Variants in TTC13 observed in about 807,000 individuals in gnomAD.
TTC13 encodes the protein tetratricopeptide repeat protein 13.
A neutral mutation model predicts 120.0 loss-of-function variants in TTC13; 62 were observed. The observed-to-expected ratio is 0.52, with a 90% CI of 0.42 to 0.64. The LOEUF is 0.64. Among genes scored for constraint, TTC13 ranks in the 30% least tolerant of loss-of-function variants. The pLI is 0.00. For synonymous variants in TTC13, 384 were observed against 393.5 expected, an observed-to-expected ratio of 0.98 and a Z score of 0.28; for missense variants, 824 against 1,050.2, an observed-to-expected ratio of 0.78 and a Z score of 2.98.
intron 9 of TTC13, among the ~76,000 whole-genome samples, chr1:230,933,536 G>A (rs966919703): frequency 4.6e-5 from 7 of 152,086 alleles, no homozygotes; most frequent in East Asian, 1.9e-4. Flanking sequence ...AAGGATGAAC[G>A]TTTTCTAGAC....
At position 230,911,517 on chromosome 1, in the gene TTC13, G is replaced by A; in HGVS notation, c.2262C>T (p.Ser754=). The change falls in exon 20 of 23, where the codon TCC becomes TCT. Residue 754 remains serine, a synonymous_variant. Transcript: ENST00000366661. ...EADAVCNLIL[S]LVYYFYNLMP... is the part of the protein sequence containing the mutation. Reference sequence around the variant, plus strand: ...TTAAATTATAAAAGTAATAAACTAAGGATAAGATTAAGTTGCAGACAGCAT... The same window carrying A: ...TTAAATTATAAAAGTAATAAACTAAAGATAAGATTAAGTTGCAGACAGCAT... The A allele has an allele frequency of 6.2e-7, 1 of 1,606,046 alleles. No homozygotes were observed. Among genetic ancestry groups the A allele is most frequent in the Non-Finnish European group, 8.5e-7 (1 of 1,176,466 alleles).
chr1:230,909,723 C>T (rs193097085), intron 20 of TTC13, among the ~76,000 whole-genome samples: 83 of 152,330 alleles, frequency 5.4e-4, no homozygotes, highest in African/African-American at 1.9e-3. Flanking sequence ...AATGTACTAA[C>T]GGACAGATGG....
intron 22 of TTC13, chr1:230,908,269 C>G (rs1037926317): frequency 2.0e-4 from 74 of 364,796 alleles, no homozygotes; most frequent in African/African-American, 1.4e-3. Flanking sequence ...CTCACTGCAG[C>G]CTCAAACTCC....
Position 230,941,039 on chromosome 1 carries a change from C to T in TTC13, c.673-483G>A, listed in dbSNP as rs534561476. Among the ~76,000 whole-genome samples the T allele has an allele frequency of 2.3e-3, 357 of 152,258 alleles. 2 individuals carry two copies. The highest frequency in any genetic ancestry group is 8.1e-3 in the African/African-American group (337 of 41,558). On this transcript the variant is annotated intron_variant, in intron 6 of 22. Coordinates refer to ENST00000366661, the MANE Select transcript of TTC13 (RefSeq NM_024525.5). ...GACAACTTCTAAGATTCCAGATGCT[C>T]TTTAAGCCCTTTTGTGTAACAACTT...
chr1:230,945,353 T>C lies in TTC13; in HGVS notation c.579+36A>G, dbSNP rs761150402. 8 of 1,586,672 alleles carry C rather than the reference T, an allele frequency of 5.0e-6. No individual in the cohort carries two copies. In the East Asian group the frequency reaches 8.9e-5, roughly 18 times the overall value. On this transcript the variant is annotated intron_variant, in intron 5 of 22. Coordinates refer to ENST00000366661, the MANE Select transcript of TTC13 (RefSeq NM_024525.5). ...AAACCCTGGTCTGTGTCAGGTCATGTAGGCGCTATGGCAATCGTAACTATT... is the reference window on the plus strand; with the variant it reads ...AAACCCTGGTCTGTGTCAGGTCATGCAGGCGCTATGGCAATCGTAACTATT...
chr1:230,920,444 T>A (rs757856096), intron 17 of TTC13, 66 bp downstream of exon 17: 1 of 1,159,874 alleles, frequency 8.6e-7, no homozygotes, highest in Admixed American at 1.8e-5. Context: ...GAGTTCTTTT[T>A]AAAAAAGTGC....
At chr1:230,959,748 C>T (rs1380990363) in intron 2 of TTC13, among the ~76,000 whole-genome samples, 4 of 152,236 alleles carry the variant, frequency 2.6e-5, no homozygotes, top group Admixed American at 2.6e-4. Flanking sequence ...TATAGTATCT[C>T]CTCTGGACAG....
rs1672436934 is a variant in TTC13 at position 230,920,091 on chromosome 1, T to C, written c.1983+419A>G. On this transcript the variant is annotated intron_variant, in intron 17 of 22. Coordinates refer to ENST00000366661, the MANE Select transcript of TTC13 (RefSeq NM_024525.5). ...GCTTAGCAAGACCACTGTACTCTGC[T>C]TGGGCTCCACATTACCGTGCAGTGG... Among the ~76,000 whole-genome samples the C allele has an allele frequency of 2.0e-5, 3 of 152,240 alleles. No homozygotes were observed. The South Asian group carries it at 6.2e-4, about 32-fold the overall frequency.
intron 1 of TTC13, among the ~76,000 whole-genome samples, chr1:230,962,998 T>C (rs186326377): frequency 1.3e-5 from 2 of 152,286 alleles, no homozygotes; most frequent in East Asian, 3.9e-4. Context: ...TGAAAACAAC[T>C]TGGGGTGGTT....
chr1:230,971,345 C>CAAAAA (rs11453211), intron 1 of TTC13, among the ~76,000 whole-genome samples: 24 of 80,750 alleles, frequency 3.0e-4, no homozygotes, highest in Middle Eastern at 8.3e-3. Flanking sequence ...GACTCCATCT[C>CAAAAA]AAAAAAAAAA....
chr1:230,924,857 C>A lies in TTC13; in HGVS notation c.1705G>T (p.Ala569Ser). Reference protein sequence around the residue: ...LMQWRDMFDIAVKWRRIADPD... With the variant: ...LMQWRDMFDISVKWRRIADPD... ...GTTAGTTACCTTCTCCATTTAACTGCAATGTCAAACATGTCTCTCCACTGC... is the reference window on the plus strand; with the variant it reads ...GTTAGTTACCTTCTCCATTTAACTGAAATGTCAAACATGTCTCTCCACTGC... The change falls in exon 14 of 23, where the codon GCA (alanine) becomes TCA (serine). Residue 569 changes from alanine (A) to serine (S), a missense_variant. This residue lies in a region of TTC13 where 430 missense variants were observed against 626.8 expected (regional missense o/e 0.69). Coordinates refer to ENST00000366661, the MANE Select transcript of TTC13 (RefSeq NM_024525.5). The A allele has an allele frequency of 6.2e-7, 1 of 1,614,192 alleles. No individual in the cohort carries two copies. Among genetic ancestry groups the A allele is most frequent in the Non-Finnish European group, 8.5e-7 (1 of 1,180,032 alleles).
In TTC13 at chr1:230,942,576, GAAAAT is replaced by G. The variant is rs1674617671; in HGVS notation, c.672+1225_672+1229del. On this transcript the variant is annotated intron_variant, in intron 6 of 22. Transcript: ENST00000366661. The surrounding 1 kb of genome is among the most constrained non-coding windows in gnomAD (Gnocchi z 4.0). The stretch of plus-strand genomic sequence containing the variant: ...TTTACTAGCTTTCTCTTCCAAAAGA[GAAAAT>G]AAAAAGTAATTTTTTCTTTAGTTCA... Among the ~76,000 whole-genome samples the G allele has an allele frequency of 6.6e-6, 1 of 152,070 alleles. No homozygotes were observed. The highest frequency in any genetic ancestry group is 6.5e-5 in the Admixed American group (1 of 15,270).
At chr1:230,962,550 C>T (rs189213113) in intron 1 of TTC13, among the ~76,000 whole-genome samples, 175 of 152,150 alleles carry the variant, frequency 1.2e-3, no homozygotes, top group African/African-American at 3.9e-3. Flanking sequence ...CCTTAAAAAG[C>T]GAATCAGAAT....
intron 8 of TTC13, among the ~76,000 whole-genome samples, chr1:230,937,744 A>G (rs1027869507): frequency 2.0e-5 from 3 of 152,262 alleles, no homozygotes; most frequent in Non-Finnish European, 4.4e-5. Flanking sequence ...AAAATAATCT[A>G]TAATAATTAA....
At chr1:230,949,816 T>C (rs1202743955) in intron 4 of TTC13, among the ~76,000 whole-genome samples, 1 of 152,026 alleles carries the variant, frequency 6.6e-6, no homozygotes, top group East Asian at 1.9e-4. Flanking sequence ...CAGCTAATTT[T>C]GTTTTTGTAT....
chr1:230,922,263 C>T (rs1406120238), intron 15 of TTC13, among the ~76,000 whole-genome samples: 18 of 152,190 alleles, frequency 1.2e-4, no homozygotes, highest in Admixed American at 9.8e-4. Flanking sequence ...ACTGCCAGTG[C>T]TCCTGATTCT....
intron 3 of TTC13, among the ~76,000 whole-genome samples, chr1:230,957,021 CA>C (rs1221277339): frequency 6.6e-6 from 1 of 152,098 alleles, no homozygotes; most frequent in South Asian, 2.1e-4. Flanking sequence ...TCTTGGAGAA[CA>C]AAACAGACCT....
At chr1:230,916,382 T>C (rs749327039) in intron 17 of TTC13, 80 bp from the exon 18 acceptor site, 20 of 1,054,190 alleles carry the variant, frequency 1.9e-5, no homozygotes, top group Non-Finnish European at 3.0e-5. Context: ...GTGCTGGCTC[T>C]ACCTTACATG....
chr1:230,962,422 G>A (rs575018747), intron 1 of TTC13, among the ~76,000 whole-genome samples: 14 of 152,136 alleles, frequency 9.2e-5, no homozygotes, highest in African/African-American at 3.1e-4. Flanking sequence ...ACACACACTA[G>A]GATGGCTATA....
Sources: allele counts gnomAD v4.1 joint callset (sites outside exome capture counted in the v4.1 genomes callset), GRCh38; gene constraint gnomAD v4.1.1; regional missense constraint gnomAD v4.1.1; non-coding constraint Gnocchi (gnomAD v3.1); transcripts MANE v1.5; gene names NCBI Gene and HGNC (gene_info 2026-07-23, HGNC 2026-07-21).